CFAP69: variants seen among roughly 807,000 people sequenced by gnomAD.
CFAP69 encodes cilia- and flagella-associated protein 69.
CFAP69 carries 92 observed loss-of-function variants against 123.0 expected under a neutral mutation model. The ratio of observed to expected loss-of-function variants is 0.75; its 90% CI spans 0.63 to 0.89. The LOEUF (loss-of-function observed/expected upper bound fraction) is 0.89. CFAP69 is among the 40% of genes least tolerant of loss of function. The probability of loss-of-function intolerance (pLI) is 0.00; values close to 1 mark genes in which losing one functional copy is unlikely to be tolerated. For missense variants in CFAP69, 1,067 were observed against 1,096.9 expected (o/e 0.97, Z 0.39); for synonymous variants, 380 against 364.3 (o/e 1.04, Z -0.49).
intron 1 of CFAP69, among the ~76,000 whole-genome samples, chr7:90,253,529 T>A (rs1193683106): frequency 6.6e-6 from 1 of 152,170 alleles, no homozygotes; most frequent in Non-Finnish European, 1.5e-5. Flanking sequence ...TAGCTGGGAT[T>A]ACAGGTGCCC....
At chr7:90,275,451 A>G (rs1199247610) in intron 9 of CFAP69, among the ~76,000 whole-genome samples, 5 of 151,992 alleles carry the variant, frequency 3.3e-5, no homozygotes, top group African/African-American at 4.8e-5. Context: ...TCTCTCCTTT[A>G]TGGGATTTCT....
At chr7:90,265,062 G>A (rs1426519737) in intron 4 of CFAP69, among the ~76,000 whole-genome samples, 1 of 152,070 alleles carries the variant, frequency 6.6e-6, no homozygotes, top group Non-Finnish European at 1.5e-5. Context: ...AAGGCGCTGG[G>A]ATTACAGGTG....
rs1214569397 is a variant in CFAP69 at position 90,304,271 on chromosome 7, A to T, written c.2188+165A>T. The T allele has an allele frequency of 2.2e-6, 3 of 1,349,382 alleles. No individual in the cohort carries two copies. The Admixed American group carries it at 1.0e-4, about 46-fold the overall frequency. 83.6% of individuals were successfully genotyped at this position (1,349,382 alleles called of 1,614,324 possible). ...CCCAAACTGCACCCCTCACCAATTA[A>T]ATCAGAATCTCTGTGTGTGGGATCC... On this transcript the variant is annotated intron_variant, in intron 18 of 22. Coordinates refer to ENST00000389297, the MANE Select transcript of CFAP69 (RefSeq NM_001039706.3).
At chr7:90,262,362 T>G (rs996152455) in intron 4 of CFAP69, among the ~76,000 whole-genome samples, 5 of 152,328 alleles carry the variant, frequency 3.3e-5, no homozygotes, top group Admixed American at 3.3e-4. Context: ...AATCTTTGAG[T>G]GAACTTATGG....
chr7:90,251,140 G>A (rs1396078490), intron 1 of CFAP69, among the ~76,000 whole-genome samples: 2 of 152,052 alleles, frequency 1.3e-5, no homozygotes, highest in Non-Finnish European at 2.9e-5. Context: ...GGAAATAAAT[G>A]AAGGCTACCA....
rs1334988923 is a variant in CFAP69 at position 90,261,905 on chromosome 7, G to T, written c.247-42G>T. 2.9e-6 allele frequency: 3 copies of T among 1,050,596 alleles called. No homozygotes were observed. The Admixed American group carries it at 7.5e-5, about 26-fold the overall frequency. The allele number at this position is 1,050,596 out of a possible 1,614,324, so 65.1% of individuals were successfully genotyped here. A position where few individuals can be genotyped will look rare whatever the true frequency, so the allele number is the denominator to read the frequency against. ...ATACTATAAAGAATATGTTAATAAA[G>T]ATATTAATCTGAATTTTATTTCTTA... is the stretch of plus-strand genomic sequence containing the variant. On this transcript the variant is annotated intron_variant, in intron 3 of 22. Coordinates refer to ENST00000389297, the MANE Select transcript of CFAP69 (RefSeq NM_001039706.3).
intron 6 of CFAP69, 112 bp from the exon 7 acceptor site, chr7:90,271,414 A>G: frequency 8.7e-7 from 1 of 1,147,160 alleles, no homozygotes; most frequent in Non-Finnish European, 1.2e-6. Context: ...TAAATTCCAT[A>G]TACTTTTAAA....
At chr7:90,276,773 A>T (rs1366637611) in intron 9 of CFAP69, among the ~76,000 whole-genome samples, 1 of 152,192 alleles carries the variant, frequency 6.6e-6, no homozygotes, top group Non-Finnish European at 1.5e-5. Context: ...GACCTAATAT[A>T]CTTTGGATCC....
intron 13 of CFAP69, among the ~76,000 whole-genome samples, chr7:90,284,004 A>T (rs1020520242): frequency 7.9e-5 from 12 of 152,150 alleles, no homozygotes; most frequent in African/African-American, 2.9e-4. Flanking sequence ...CTGAAAGTAC[A>T]GTTTATCATT....
intron 13 of CFAP69, among the ~76,000 whole-genome samples, chr7:90,285,626 G>A (rs1342224929): frequency 1.3e-5 from 2 of 152,058 alleles, no homozygotes; most frequent in Non-Finnish European, 2.9e-5. Context: ...GCAATAACAG[G>A]AATAGAAAGC....
the CFAP69 span, chr7:90,321,174 G>A: frequency 6.6e-6 from 1 of 152,280 alleles, no homozygotes; most frequent in African/African-American, 2.4e-5. Context: ...GCGCTCACCG[G>A]GCGCCCAAGC....
chr7:90,291,095 C>G (rs1198129400), intron 15 of CFAP69, among the ~76,000 whole-genome samples: 1 of 151,998 alleles, frequency 6.6e-6, no homozygotes, highest in African/African-American at 2.4e-5. Context: ...TCTTGGATCA[C>G]ACACAGGAAA....
chr7:90,270,981 A>G (rs1480872899), intron 6 of CFAP69, among the ~76,000 whole-genome samples: 1 of 152,114 alleles, frequency 6.6e-6, no homozygotes, highest in Admixed American at 6.6e-5. Flanking sequence ...TGCTGACACT[A>G]CGTAATTGTT....
At chr7:90,257,073 T>C (rs1484370344) in intron 2 of CFAP69, among the ~76,000 whole-genome samples, 1 of 152,224 alleles carries the variant, frequency 6.6e-6, no homozygotes, top group Non-Finnish European at 1.5e-5. Context: ...TTAAAATGTT[T>C]CAGCTTGTGT....
At chr7:90,304,635 TTAGATAGGTAGATAGATAGATAGATAGA>T (rs1793288839) in intron 18 of CFAP69, 81 bp from the exon 19 acceptor site, 1 of 1,445,728 alleles carries the variant, frequency 6.9e-7, no homozygotes, top group Non-Finnish European at 9.0e-7. Flanking sequence ...GCATTTGTTT[TTAGATAGGTAGATAGATAGATAGATAGA>T]TAGATAGATA....
At chr7:90,300,655 CT>C (rs199733306) in intron 17 of CFAP69, 366 of 122,192 alleles carry the variant, frequency 3.0e-3, no homozygotes, top group Non-Finnish European at 4.8e-3. Flanking sequence ...TTTTTTTTTT[CT>C]TTTTTTTTTG....
chr7:90,302,627 G>C (rs983332900), intron 17 of CFAP69: 4 of 152,188 alleles, frequency 2.6e-5, no homozygotes, highest in Admixed American at 2.0e-4. Flanking sequence ...AGATCAAGTA[G>C]TTGTAGGTGT....
At chr7:90,260,407 C>T (rs910722671) in intron 3 of CFAP69, among the ~76,000 whole-genome samples, 1 of 151,984 alleles carries the variant, frequency 6.6e-6, no homozygotes, top group Non-Finnish European at 1.5e-5. Flanking sequence ...GTAGTTTTAT[C>T]TTCTCCAGAG....
Position 90,310,304 on chromosome 7 carries a change from A to G in CFAP69, c.*66A>G. ...TTTTTAGCTGAATATATCTTTATAC[A>G]TATGTAAAGCCAATATTTTAGAATA... On this transcript the variant is annotated 3_prime_UTR_variant, in exon 23 of 23. Coordinates refer to ENST00000389297, the MANE Select transcript of CFAP69 (RefSeq NM_001039706.3). The G allele has an allele frequency of 1.9e-6, 2 of 1,029,252 alleles. No individual in the cohort carries two copies. The highest frequency in any genetic ancestry group is 2.7e-6 in the Non-Finnish European group (2 of 750,352). 63.8% of individuals were successfully genotyped at this position (1,029,252 alleles called of 1,614,324 possible).
Sources: gnomAD v4.1 joint callset for allele counts (sites outside exome capture counted in the v4.1 genomes callset) on GRCh38, gnomAD v4.1.1 for gene constraint, MANE v1.5 for transcripts, NCBI Gene and HGNC (gene_info 2026-07-23, HGNC 2026-07-21) for gene names.